TSEN15: variants seen among roughly 807,000 people sequenced by gnomAD.
TSEN15 encodes tRNA-splicing endonuclease subunit Sen15.
Under a neutral mutation model 20.5 loss-of-function variants are expected in TSEN15, and 10 were observed. The observed-to-expected ratio is 0.49, with a 90% CI of 0.30 to 0.83. The LOEUF (loss-of-function observed/expected upper bound fraction) is 0.83, where lower values mean the gene tolerates loss of function less well. Ranked by LOEUF, TSEN15 falls within the 40% of genes least tolerant of loss-of-function variation. The pLI, the probability that TSEN15 is intolerant of heterozygous loss-of-function variation, is 0.06. For missense variants in TSEN15, 180 were observed against 218.6 expected, an observed-to-expected ratio of 0.82 and a Z score of 1.11; for synonymous variants, 72 against 80.1, an observed-to-expected ratio of 0.90 and a Z score of 0.54.
chr1:184,095,625 T>C, intron 3 of TSEN15: 1 of 381,842 alleles, frequency 2.6e-6, no homozygotes. Flanking sequence ...TCTATCTCTC[T>C]CCCCCTTCTC....
chr1:184,059,461 T>G (rs1557879525), intron 3 of TSEN15, among the ~76,000 whole-genome samples: 1 of 152,176 alleles, frequency 6.6e-6, no homozygotes, highest in Non-Finnish European at 1.5e-5. Flanking sequence ...GCCATCATTG[T>G]TTTTACTTTT....
chr1:184,090,983 AC>A (rs1651346370), intron 3 of TSEN15, among the ~76,000 whole-genome samples: 1 of 152,108 alleles, frequency 6.6e-6, no homozygotes, highest in Non-Finnish European at 1.5e-5. Context: ...TATTCCTAAG[AC>A]CCTTGATTAA....
intron 3 of TSEN15, among the ~76,000 whole-genome samples, chr1:184,058,599 C>G (rs1328589615): frequency 6.6e-6 from 1 of 151,878 alleles, no homozygotes; most frequent in Non-Finnish European, 1.5e-5. Context: ...AGTAATGCTG[C>G]AATTCCAGCC....
downstream of TSEN15, among the ~76,000 whole-genome samples, chr1:184,077,897 ACTT>A (rs1319671123): frequency 2.0e-5 from 3 of 152,196 alleles, no homozygotes. Flanking sequence ...GATGGAATCT[ACTT>A]CTTGTGCAGA....
intron 4 of TSEN15, chr1:184,072,568 C>T (rs1405871864): frequency 8.9e-6 from 5 of 559,740 alleles, no homozygotes; most frequent in Non-Finnish European, 1.5e-5. Flanking sequence ...AGTCATCATG[C>T]ATTTAATTAT....
intron 3 of TSEN15, among the ~76,000 whole-genome samples, chr1:184,080,561 A>G (rs1651146820): frequency 6.6e-6 from 1 of 152,224 alleles, no homozygotes; most frequent in Non-Finnish European, 1.5e-5. Flanking sequence ...ATCCTCTGAT[A>G]CTTGAACAAA....
chr1:184,073,436 A>G lies in TSEN15; in HGVS notation c.*589A>G, dbSNP rs1557886575. 1 of 152,644 alleles carries G rather than the reference A, an allele frequency of 6.6e-6. No individual in the cohort carries two copies. The highest frequency in any genetic ancestry group is 1.9e-4 in the East Asian group (1 of 5,198). The allele number at this position is 152,644 out of a possible 1,614,324, so 9.5% of individuals were successfully genotyped here. A position where few individuals can be genotyped will look rare whatever the true frequency, so the allele number is the denominator to read the frequency against. On this transcript the variant is annotated 3_prime_UTR_variant, in exon 5 of 5. Coordinates refer to ENST00000645668, the MANE Select transcript of TSEN15 (RefSeq NM_052965.4). Reference sequence around the variant, plus strand: ...ATATGTTCATCCAGAGTGTGTCTTAAGTAACTTACGTGTCTTAAGTAACAG... The same window carrying G: ...ATATGTTCATCCAGAGTGTGTCTTAGGTAACTTACGTGTCTTAAGTAACAG...
At chr1:184,052,114 G>C (rs1005437936) in intron 1 of TSEN15, among the ~76,000 whole-genome samples, 1 of 152,172 alleles carries the variant, frequency 6.6e-6, no homozygotes, top group African/African-American at 2.4e-5. Flanking sequence ...TTTTGGAACT[G>C]AGAGCCAGAC....
At chr1:184,057,275 A>G (rs1391250572) in intron 3 of TSEN15, among the ~76,000 whole-genome samples, 1 of 152,118 alleles carries the variant, frequency 6.6e-6, no homozygotes, top group Non-Finnish European at 1.5e-5. Flanking sequence ...GGAGGAGAGT[A>G]ATATTGAGCA....
At chr1:184,077,030 G>A (rs888406614), downstream of TSEN15, among the ~76,000 whole-genome samples, 1 of 152,146 alleles carries the variant, frequency 6.6e-6, no homozygotes, top group Non-Finnish European at 1.5e-5. Flanking sequence ...GATGAAGGTG[G>A]CTATATTAAA....
chr1:184,068,858 C>T (rs965718582), intron 3 of TSEN15, among the ~76,000 whole-genome samples: 4 of 152,070 alleles, frequency 2.6e-5, no homozygotes, highest in African/African-American at 4.8e-5. Flanking sequence ...ATTATTTGGC[C>T]ACATTGAAGA....
In TSEN15 at chr1:184,072,945, A is replaced by T; in HGVS notation, c.*98A>T. The T allele has an allele frequency of 8.1e-7, 1 of 1,229,412 alleles. No homozygotes were observed. Among genetic ancestry groups the T allele is most frequent in the South Asian group, 1.4e-5 (1 of 73,520 alleles). The allele number at this position is 1,229,412 out of a possible 1,614,324, so 76.2% of individuals were successfully genotyped here. ...TATCTCAGAAATAGGGTTGACGTAC[A>T]TAGTGAGGGTTGACTTCCCCATTCC... is the stretch of plus-strand genomic sequence containing the variant. On this transcript the variant is annotated 3_prime_UTR_variant, in exon 5 of 5. Coordinates refer to ENST00000645668, the MANE Select transcript of TSEN15 (RefSeq NM_052965.4).
In TSEN15 at chr1:184,072,960, T is replaced by C; in HGVS notation, c.*113T>C. On this transcript the variant is annotated 3_prime_UTR_variant, in exon 5 of 5. Coordinates refer to ENST00000645668, the MANE Select transcript of TSEN15 (RefSeq NM_052965.4). ...GTTGACGTACATAGTGAGGGTTGACTTCCCCATTCCATAAGGTTTTCATTC... is the reference window on the plus strand; with the variant it reads ...GTTGACGTACATAGTGAGGGTTGACCTCCCCATTCCATAAGGTTTTCATTC... 1.0e-6 allele frequency: 1 copy of C among 991,298 alleles called. No individual in the cohort carries two copies. Among genetic ancestry groups the C allele is most frequent in the South Asian group, 1.5e-5 (1 of 65,764 alleles). The allele number at this position is 991,298 out of a possible 1,614,324, so 61.4% of individuals were successfully genotyped here.
At chr1:184,060,732 C>A (rs190985787) in intron 3 of TSEN15, among the ~76,000 whole-genome samples, 1 of 152,298 alleles carries the variant, frequency 6.6e-6, no homozygotes, top group East Asian at 1.9e-4. Context: ...TTTGTACCCC[C>A]ACTTTTTCCA....
At chr1:184,063,149 A>G (rs1381375373) in intron 3 of TSEN15, among the ~76,000 whole-genome samples, 1 of 152,072 alleles carries the variant, frequency 6.6e-6, no homozygotes, top group African/African-American at 2.4e-5. Flanking sequence ...AAATAGTGGC[A>G]TTTCTTTTGT....
intron 3 of TSEN15, among the ~76,000 whole-genome samples, chr1:184,069,618 T>C (rs976709431): frequency 2.6e-5 from 4 of 152,090 alleles, no homozygotes; most frequent in African/African-American, 9.6e-5. Flanking sequence ...TATGTGGTTT[T>C]TTAAGAACTT....
Position 184,073,062 on chromosome 1 carries a change from A to T in TSEN15, c.*215A>T, listed in dbSNP as rs898515787. On this transcript the variant is annotated 3_prime_UTR_variant, in exon 5 of 5. Transcript: ENST00000645668. ...AGGGTGATTTCTTTAAAACTTTGTT[A>T]TCTAGAGACAGTTTAATTACAGTTA... 5 of 545,260 alleles carry T rather than the reference A, an allele frequency of 9.2e-6. No homozygotes were observed. The highest frequency in any genetic ancestry group is 1.3e-5 in the Non-Finnish European group (4 of 313,462). The allele number at this position is 545,260 out of a possible 1,614,324, so 33.8% of individuals were successfully genotyped here.
intron 3 of TSEN15, among the ~76,000 whole-genome samples, chr1:184,092,095 C>A (rs1259474217): frequency 6.6e-6 from 1 of 152,216 alleles, no homozygotes; most frequent in Admixed American, 6.5e-5. Flanking sequence ...CAGTGCCTGA[C>A]AAGTCTTTAT....
In TSEN15 at chr1:184,072,877, C is replaced by G. The variant is rs201754221; in HGVS notation, c.*30C>G. On this transcript the variant is annotated 3_prime_UTR_variant, in exon 5 of 5. Transcript: ENST00000645668. ...CATGTTTCCTGATGCTTGTTTTATT[C>G]ATACAAGATTGGATTTGAGACCCAT... 2.4e-3 allele frequency: 3,910 copies of G among 1,595,956 alleles called. 13 individuals carry two copies. The highest frequency in any genetic ancestry group is 3.1e-3 in the Non-Finnish European group (3,661 of 1,171,876).
Sources: allele counts gnomAD v4.1 joint callset (sites outside exome capture counted in the v4.1 genomes callset), GRCh38; gene constraint gnomAD v4.1.1; transcripts MANE v1.5; gene names NCBI Gene and HGNC (gene_info 2026-07-23, HGNC 2026-07-21).